RPIA: variants seen among roughly 807,000 people sequenced by gnomAD.
The protein encoded by RPIA is ribose 5-phosphate isomerase A.
In RPIA, 29 loss-of-function variants were observed where a neutral mutation model predicts 37.8. That is an observed-to-expected ratio of 0.77 (90% confidence interval 0.57 to 1.05). RPIA has a LOEUF of 1.05. RPIA is among the 50% of genes least tolerant of loss of function. RPIA has a pLI of 0.00. For missense variants in RPIA, 385 were observed against 413.6 expected, an observed-to-expected ratio of 0.93 and a Z score of 0.60; for synonymous variants, 167 against 157.0, an observed-to-expected ratio of 1.06 and a Z score of -0.48.
chr2:88,710,125 C>T (rs1189069758), intron 3 of RPIA, among the ~76,000 whole-genome samples: 1 of 152,202 alleles, frequency 6.6e-6, no homozygotes, highest in Non-Finnish European at 1.5e-5. Flanking sequence ...CAGCTCACTG[C>T]AGCCTCGGCC....
chr2:88,699,250 A>G (rs1202568572), intron 2 of RPIA, among the ~76,000 whole-genome samples: 1 of 152,198 alleles, frequency 6.6e-6, no homozygotes, highest in Non-Finnish European at 1.5e-5. Flanking sequence ...CTTTTGTGTT[A>G]TATACCTTTC....
At chr2:88,708,223 AG>A (rs1351246567) in intron 3 of RPIA, among the ~76,000 whole-genome samples, 1 of 152,232 alleles carries the variant, frequency 6.6e-6, no homozygotes, top group Non-Finnish European at 1.5e-5. Context: ...CAGAGGTGTC[AG>A]GAATCTCAGA....
chr2:88,713,120 AT>A (rs1553420200), intron 3 of RPIA, among the ~76,000 whole-genome samples: 40 of 65,288 alleles, frequency 6.1e-4, no homozygotes, highest in East Asian at 1.2e-3. Context: ...ATATATATAT[AT>A]TTTTTTTTTT....
At chr2:88,740,403 C>T (rs1673368629) in intron 8 of RPIA, among the ~76,000 whole-genome samples, 1 of 152,142 alleles carries the variant, frequency 6.6e-6, no homozygotes, top group Non-Finnish European at 1.5e-5. Flanking sequence ...ATCTACAGGA[C>T]AATCAGAGTG....
intron 3 of RPIA, among the ~76,000 whole-genome samples, chr2:88,710,639 A>G (rs1375087367): frequency 2.6e-5 from 4 of 152,186 alleles, no homozygotes; most frequent in Non-Finnish European, 4.4e-5. Context: ...AAGTTAAGCT[A>G]ATTTAATTTT....
At chr2:88,735,519 G>T (rs1258930534) in intron 5 of RPIA, 150 bp from the exon 6 acceptor site, 1 of 750,958 alleles carries the variant, frequency 1.3e-6, no homozygotes, top group Non-Finnish European at 2.4e-6. Context: ...GGAGCAGCAT[G>T]ATGGGACTGG....
intron 3 of RPIA, among the ~76,000 whole-genome samples, chr2:88,722,560 T>C (rs1478370146): frequency 6.6e-6 from 1 of 152,238 alleles, no homozygotes; most frequent in Non-Finnish European, 1.5e-5. Flanking sequence ...TACGGTGTCC[T>C]TGTTCATTCC....
At chr2:88,701,917 TAGAA>T (rs1672837397) in intron 3 of RPIA, among the ~76,000 whole-genome samples, 1 of 152,200 alleles carries the variant, frequency 6.6e-6, no homozygotes, top group Admixed American at 6.5e-5. Flanking sequence ...GTAGGAATAT[TAGAA>T]AGATAATCAA....
In RPIA at chr2:88,729,309, C is replaced by T; in HGVS notation, c.434C>T (p.Thr145Ile). The change falls in exon 4 of 9, where the codon ACC becomes ATC. Residue 145 changes from threonine (T) to isoleucine (I), a missense_variant. By Grantham distance (89) the Thr-to-Ile change is moderately conservative (BLOSUM62 -1). Around this residue, in one of 2 missense-constraint regions of RPIA, gnomAD observed 232 missense variants for 203.0 expected, o/e 1.14. Coordinates refer to ENST00000283646, the MANE Select transcript of RPIA (RefSeq NM_144563.3). ...CAGCTCATCCTGCAGTATGGCTTGA[C>T]CCTCAGTGATCTGGATCGACACCCA... is the stretch of plus-strand genomic sequence containing the variant. Reference protein sequence around the residue: ...ARQLILQYGLTLSDLDRHPEI... With the variant: ...ARQLILQYGLILSDLDRHPEI... 1 of 1,614,162 alleles carries T rather than the reference C, an allele frequency of 6.2e-7. No homozygotes were observed. The highest frequency in any genetic ancestry group is 8.5e-7 in the Non-Finnish European group (1 of 1,180,026).
intron 8 of RPIA, among the ~76,000 whole-genome samples, chr2:88,745,984 CT>C: frequency 6.6e-6 from 1 of 152,032 alleles, no homozygotes; most frequent in Non-Finnish European, 1.5e-5. Context: ...TTTTTTGATT[CT>C]TTTTTTCTTT....
intron 8 of RPIA, 46 bp from the exon 9 acceptor site, chr2:88,749,935 C>A: frequency 7.0e-7 from 1 of 1,430,698 alleles, no homozygotes; most frequent in Non-Finnish European, 9.8e-7. Flanking sequence ...TCTCTTTTTG[C>A]TTTGGGAGGC....
In RPIA at chr2:88,698,533, T is replaced by G. The variant is rs1672787619; in HGVS notation, c.335T>G (p.Val112Gly). ...AGTGGTTCTACAATTGTCCATGCTG[T>G]GCAGCGAATAGGTATGCTCTCTCAC... is the stretch of plus-strand genomic sequence containing the variant. ...IGSGSTIVHA[V>G]QRIAERVKQE... Residue 112 changes from valine to glycine, a missense_variant, in exon 2 of 9, where the codon GTG (valine) becomes GGG (glycine). Around this residue, in one of 2 missense-constraint regions of RPIA, gnomAD observed 232 missense variants for 203.0 expected, o/e 1.14. Coordinates refer to ENST00000283646, the MANE Select transcript of RPIA (RefSeq NM_144563.3). 1 of 1,614,066 alleles carries G rather than the reference T, an allele frequency of 6.2e-7. No individual in the cohort carries two copies.
chr2:88,748,099 G>A (rs575003286), intron 8 of RPIA, among the ~76,000 whole-genome samples: 2 of 152,308 alleles, frequency 1.3e-5, no homozygotes, highest in African/African-American at 4.8e-5. Flanking sequence ...CAACCAACTA[G>A]TTACCCTATC....
chr2:88,709,177 C>T (rs1362349997), intron 3 of RPIA, among the ~76,000 whole-genome samples: 2 of 152,204 alleles, frequency 1.3e-5, no homozygotes, highest in African/African-American at 2.4e-5. Context: ...GACTGTCTTT[C>T]TAGTAAAATG....
intron 3 of RPIA, among the ~76,000 whole-genome samples, chr2:88,713,120 A>ATATATT (rs1041923467): frequency 3.4e-4 from 22 of 65,290 alleles, no homozygotes; most frequent in Non-Finnish European, 4.8e-4. Context: ...ATATATATAT[A>ATATATT]TTTTTTTTTT....
intron 4 of RPIA, among the ~76,000 whole-genome samples, chr2:88,734,274 G>T (rs537913938): frequency 6.6e-6 from 1 of 152,130 alleles, no homozygotes; most frequent in Admixed American, 6.5e-5. Context: ...TCTAAATAAC[G>T]CCAGCTTGTC....
At chr2:88,739,462 A>G (rs1673357100) in intron 8 of RPIA, among the ~76,000 whole-genome samples, 1 of 152,158 alleles carries the variant, frequency 6.6e-6, no homozygotes, top group Non-Finnish European at 1.5e-5. Context: ...TGCAGAAGGG[A>G]AAGTGTTTGT....
In RPIA at chr2:88,749,493, A is replaced by G. The variant is rs538276691; in HGVS notation, c.839-488A>G. Among the ~76,000 whole-genome samples the G allele has an allele frequency of 3.3e-4, 50 of 152,294 alleles. 1 individual carries two copies. Among genetic ancestry groups the G allele is most frequent in the African/African-American group, 1.1e-3 (46 of 41,564 alleles). The stretch of plus-strand genomic sequence containing the variant: ...TTTATAAATTGTTTATATTTTTGAT[A>G]TGAGTCCTTTGTCAGGTATATGCTT... On this transcript the variant is annotated intron_variant, in intron 8 of 8. Coordinates refer to ENST00000283646, the MANE Select transcript of RPIA (RefSeq NM_144563.3).
chr2:88,712,372 C>A (rs1335598511), intron 3 of RPIA, among the ~76,000 whole-genome samples: 1 of 152,188 alleles, frequency 6.6e-6, no homozygotes, highest in Non-Finnish European at 1.5e-5. Flanking sequence ...GGCCTAGTTT[C>A]TTTTACCTGT....
Sources: allele counts gnomAD v4.1 joint callset (sites outside exome capture counted in the v4.1 genomes callset), GRCh38; gene constraint gnomAD v4.1.1; regional missense constraint gnomAD v4.1.1; transcripts MANE v1.5; gene names NCBI Gene and HGNC (gene_info 2026-07-23, HGNC 2026-07-21).